Variants in SUDS3 observed in about 807,000 individuals in gnomAD.
The protein encoded by SUDS3 is sin3 histone deacetylase corepressor complex component SDS3.
In SUDS3, 23 loss-of-function variants were observed where a neutral mutation model predicts 53.5. That is an observed-to-expected ratio of 0.43 (90% CI 0.31 to 0.61). The LOEUF (loss-of-function observed/expected upper bound fraction) is 0.61. Among genes scored for constraint, SUDS3 ranks in the 20% least tolerant of loss-of-function variants. The pLI is 0.10. For synonymous variants in SUDS3, 150 were observed against 148.5 expected, an observed-to-expected ratio of 1.01 and a Z score of -0.08; for missense variants, 291 against 405.9, an observed-to-expected ratio of 0.72 and a Z score of 2.43.
Position 118,400,719 on chromosome 12 carries a change from T to C in SUDS3, c.578T>C (p.Val193Ala), listed in dbSNP as rs2046256432. 2 of 1,613,918 alleles carry C rather than the reference T, an allele frequency of 1.2e-6. No individual in the cohort carries two copies. Among genetic ancestry groups the C allele is most frequent in the Non-Finnish European group, 1.7e-6 (2 of 1,179,880 alleles). ...TTGCGGAGGCGACCAAATGATCCCG[T>C]CCCCATCCCAGACAAGAGGAGGAAA... ...RKLRRRPNDP[V>A]PIPDKRRKPA... The change falls in exon 7 of 12, where the codon GTC (valine) becomes GCC (alanine). Residue 193 changes from valine (V) to alanine (A), a missense_variant. Val to Ala is a moderately conservative substitution (Grantham distance 64, BLOSUM62 0). This residue lies in a region of SUDS3 where 55 missense variants were observed against 124.2 expected (regional missense o/e 0.44). Coordinates refer to ENST00000543473, the MANE Select transcript of SUDS3 (RefSeq NM_022491.3).
Position 118,400,640 on chromosome 12 carries a change from C to G in SUDS3, c.518-19C>G. On this transcript the variant is annotated intron_variant, in intron 6 of 11. Transcript: ENST00000543473. ...CAAGTGGGAGTTGGATAGATTTACC[C>G]ATTCCATTCTTGCCACAGATTCTAT... 1 of 1,611,048 alleles carries G rather than the reference C, an allele frequency of 6.2e-7. No individual in the cohort carries two copies. Among genetic ancestry groups the G allele is most frequent in the Non-Finnish European group, 8.5e-7 (1 of 1,177,294 alleles).
intron 11 of SUDS3, among the ~76,000 whole-genome samples, chr12:118,411,762 A>G (rs759108549): frequency 6.6e-6 from 1 of 151,872 alleles, no homozygotes; most frequent in Non-Finnish European, 1.5e-5. Flanking sequence ...CGGCCTCCCA[A>G]AGTGCTGGGA....
chr12:118,411,951 G>T (rs752639512), intron 11 of SUDS3, among the ~76,000 whole-genome samples: 1 of 152,188 alleles, frequency 6.6e-6, no homozygotes, highest in African/African-American at 2.4e-5. Context: ...CTGGCACAGG[G>T]TCTAGCACCC....
In SUDS3 at chr12:118,376,602, C is replaced by T; in HGVS notation, c.-90C>T. On this transcript the variant is annotated 5_prime_UTR_variant, in exon 1 of 12. Coordinates refer to ENST00000543473, the MANE Select transcript of SUDS3 (RefSeq NM_022491.3). ...TGGCTGCCGGTCCTCGAGTTGGGGG[C>T]TGCCGCGGACACTGCTAGGCAGACG... 1 of 1,257,908 alleles carries T rather than the reference C, an allele frequency of 7.9e-7. No homozygotes were observed. The allele number at this position is 1,257,908 out of a possible 1,614,324, so 77.9% of individuals were successfully genotyped here. A position where few individuals can be genotyped will look rare whatever the true frequency, so the allele number is the denominator to read the frequency against.
chr12:118,409,295 T>C lies in SUDS3; in HGVS notation c.804-1778T>C, dbSNP rs760460931. On this transcript the variant is annotated intron_variant, in intron 10 of 11. Transcript: ENST00000543473. ...CCGAGTAGCTGGGATTACAGGAGCC[T>C]GCCACCACTCCCGGCTAATTTTTGT... is the stretch of plus-strand genomic sequence containing the variant. Among the ~76,000 whole-genome samples the C allele has an allele frequency of 7.9e-5, 12 of 152,018 alleles. No individual in the cohort carries two copies. In the East Asian group the frequency reaches 1.9e-3, roughly 24 times the overall value.
At chr12:118,412,168 A>G (rs935556539) in intron 11 of SUDS3, among the ~76,000 whole-genome samples, 1 of 152,212 alleles carries the variant, frequency 6.6e-6, no homozygotes, top group Admixed American at 6.5e-5. Flanking sequence ...GGATGATATG[A>G]CTGCCCTCTG....
chr12:118,391,126 A>G lies in SUDS3; in HGVS notation c.361A>G (p.Thr121Ala), dbSNP rs984721833. 4 of 1,612,778 alleles carry G rather than the reference A, an allele frequency of 2.5e-6. No individual in the cohort carries two copies. The highest frequency in any genetic ancestry group is 3.4e-6 in the Non-Finnish European group (4 of 1,179,640). Residue 121 changes from threonine (T) to alanine (A), a missense_variant and splice_region_variant, in exon 6 of 12, where the codon ACT becomes GCT. Transcript: ENST00000543473. ...RNAELFLQLETEQVERNYIKE... is the reference protein window; with the variant it reads ...RNAELFLQLEAEQVERNYIKE... ...CAGCCCGTGTTTCTCTTTTGCTCAG[A>G]CTGAACAAGTGGAACGAAATTACAT...
chr12:118,396,636 ATAGT>A (rs1462005936), intron 6 of SUDS3, among the ~76,000 whole-genome samples: 1 of 152,220 alleles, frequency 6.6e-6, no homozygotes, highest in Non-Finnish European at 1.5e-5. Context: ...GCTTGTTTTA[ATAGT>A]TAAAGTATGT....
chr12:118,385,519 G>T (rs2046107368), intron 3 of SUDS3, among the ~76,000 whole-genome samples: 1 of 152,170 alleles, frequency 6.6e-6, no homozygotes. Flanking sequence ...CACAAGATGG[G>T]CCCCTCATAA....
chr12:118,382,936 G>A (rs564954350), intron 2 of SUDS3, among the ~76,000 whole-genome samples: 1 of 152,168 alleles, frequency 6.6e-6, no homozygotes, highest in African/African-American at 2.4e-5. Flanking sequence ...CTAAAGTGCT[G>A]GGATTACAGG....
rs1220601740 is a variant in SUDS3 at position 118,395,169 on chromosome 12, C to T, written c.517+3887C>T. ...TGACCTGGATTTTGGGCAGAGTGGGCCTTTCCTCAAGATGTTCTTTCCTGG... is the reference window on the plus strand; with the variant it reads ...TGACCTGGATTTTGGGCAGAGTGGGTCTTTCCTCAAGATGTTCTTTCCTGG... On this transcript the variant is annotated intron_variant, in intron 6 of 11. Coordinates refer to ENST00000543473, the MANE Select transcript of SUDS3 (RefSeq NM_022491.3). Among the ~76,000 whole-genome samples the T allele has an allele frequency of 3.4e-5, 5 of 147,952 alleles. No homozygotes were observed. In the South Asian group the frequency reaches 1.1e-3, roughly 32 times the overall value.
chr12:118,378,738 C>T (rs755814653), intron 1 of SUDS3, among the ~76,000 whole-genome samples: 5 of 151,984 alleles, frequency 3.3e-5, no homozygotes, highest in African/African-American at 1.2e-4. Flanking sequence ...TGCAATGGCG[C>T]GATCTCGGCT....
intron 1 of SUDS3, among the ~76,000 whole-genome samples, chr12:118,378,736 C>G (rs1009663235): frequency 6.6e-6 from 1 of 151,976 alleles, no homozygotes; most frequent in African/African-American, 2.4e-5. Flanking sequence ...AGTGCAATGG[C>G]GCGATCTCGG....
At position 118,400,385 on chromosome 12, in the gene SUDS3, G is replaced by A. The variant is rs538162792; in HGVS notation, c.518-274G>A. Reference sequence around the variant, plus strand: ...GAGGAATATCCCCTAGGTTTTGAGGGTGCTGGAGAGATGCCCACAGTGGCT... The same window carrying A: ...GAGGAATATCCCCTAGGTTTTGAGGATGCTGGAGAGATGCCCACAGTGGCT... On this transcript the variant is annotated intron_variant, in intron 6 of 11. Transcript: ENST00000543473. Among the ~76,000 whole-genome samples, 3 of 152,286 alleles carry A rather than the reference G, an allele frequency of 2.0e-5. No individual in the cohort carries two copies. The South Asian group carries it at 6.2e-4, about 32-fold the overall frequency.
At chr12:118,396,902 T>C (rs551991924) in intron 6 of SUDS3, among the ~76,000 whole-genome samples, 8 of 152,096 alleles carry the variant, frequency 5.3e-5, no homozygotes, top group Admixed American at 2.6e-4. Context: ...TGGTGAGGGG[T>C]GAGGGGGTTC....
At chr12:118,400,210 C>T (rs2046251915) in intron 6 of SUDS3, among the ~76,000 whole-genome samples, 1 of 152,176 alleles carries the variant, frequency 6.6e-6, no homozygotes, top group Non-Finnish European at 1.5e-5. Flanking sequence ...GGCACTGAGG[C>T]CAGTGGCCTC....
At chr12:118,377,385 A>C (rs2046009067) in intron 1 of SUDS3, among the ~76,000 whole-genome samples, 1 of 152,136 alleles carries the variant, frequency 6.6e-6, no homozygotes, top group African/African-American at 2.4e-5. Context: ...CGATTTACCC[A>C]ACTGTAATGG....
intron 10 of SUDS3, among the ~76,000 whole-genome samples, chr12:118,410,367 G>C (rs983909165): frequency 2.6e-5 from 4 of 152,120 alleles, no homozygotes; most frequent in Non-Finnish European, 4.4e-5. Flanking sequence ...GTCAGAAAGG[G>C]GAAACAGAGT....
intron 6 of SUDS3, among the ~76,000 whole-genome samples, chr12:118,397,643 C>T (rs1026837002): frequency 6.6e-6 from 1 of 152,070 alleles, no homozygotes; most frequent in African/African-American, 2.4e-5. Flanking sequence ...TTAGGGGCTT[C>T]TCCAGAGTCT....
Sources: gnomAD v4.1 joint callset for allele counts (sites outside exome capture counted in the v4.1 genomes callset) on GRCh38, gnomAD v4.1.1 for gene constraint, gnomAD v4.1.1 regional missense constraint, MANE v1.5 for transcripts, NCBI Gene and HGNC (gene_info 2026-07-23, HGNC 2026-07-21) for gene names.